LCORL: variants seen among roughly 807,000 people sequenced by gnomAD.
The protein encoded by LCORL is ligand dependent nuclear receptor corepressor like.
A neutral mutation model predicts 141.8 loss-of-function variants in LCORL; 41 were observed. The ratio of observed to expected loss-of-function variants is 0.29; its 90% CI spans 0.23 to 0.38. The LOEUF (loss-of-function observed/expected upper bound fraction) is 0.38, where lower values mean the gene tolerates loss of function less well. Among genes scored for constraint, LCORL ranks in the 10% least tolerant of loss-of-function variants. The probability of loss-of-function intolerance (pLI) is 1.00; values close to 1 mark genes in which losing one functional copy is unlikely to be tolerated. For missense variants in LCORL, 1,759 were observed against 2,035.0 expected, an observed-to-expected ratio of 0.86 and a Z score of 2.61; for synonymous variants, 618 against 694.1, an observed-to-expected ratio of 0.89 and a Z score of 1.72.
At position 18,009,943 on chromosome 4, in the gene LCORL, C is replaced by T. The variant is rs76249161; in HGVS notation, c.154+11655G>A. On this transcript the variant is annotated intron_variant, in intron 1 of 7. Transcript: ENST00000635767. ...GCACCCCACCCAGTGTGGATACCTACCCTTGTTTTCTCCCACTTGATGTTT... is the reference window on the plus strand; with the variant it reads ...GCACCCCACCCAGTGTGGATACCTATCCTTGTTTTCTCCCACTTGATGTTT... Among the ~76,000 whole-genome samples the T allele has an allele frequency of 5.6e-3, 851 of 152,238 alleles. 5 individuals are homozygous for T. Among genetic ancestry groups the T allele is most frequent in the African/African-American group, 0.02 (817 of 41,534 alleles).
chr4:17,943,040 C>CT (rs938328154), intron 4 of LCORL, among the ~76,000 whole-genome samples: 3 of 152,186 alleles, frequency 2.0e-5, no homozygotes, highest in African/African-American at 7.2e-5. Context: ...AACCATCTCC[C>CT]TGCAACACCT....
chr4:17,974,137 G>A (rs1210603880), intron 1 of LCORL, among the ~76,000 whole-genome samples: 2 of 152,036 alleles, frequency 1.3e-5, no homozygotes, highest in African/African-American at 4.8e-5. Context: ...TAGAGTAGAA[G>A]ATACTCTATT....
At chr4:17,909,473 T>C in intron 4 of LCORL, 128 bp from the exon 5 acceptor site, 1 of 544,798 alleles carries the variant, frequency 1.8e-6, no homozygotes, top group Non-Finnish European at 3.0e-6. Flanking sequence ...CTCCCAATGT[T>C]TTCTGGGAAT....
exon 7 of LCORL, chr4:17,873,645 G>A (rs952215345): frequency 1.6e-6 from 2 of 1,233,910 alleles, no homozygotes; most frequent in Non-Finnish European, 2.0e-6. Flanking sequence ...CTTTTTAAAA[G>A]AATTTTGCCT....
Position 17,904,138 on chromosome 4 carries a change from T to C in LCORL, c.682+4956A>G, listed in dbSNP as rs542547952. ...TCAAAGATTTTTGGTAAATACTTAT[T>C]CACTCAGAGGCTGAATTACCATCTC... On this transcript the variant is annotated intron_variant, in intron 5 of 7. Transcript: ENST00000635767. Among the ~76,000 whole-genome samples the C allele has an allele frequency of 2.0e-5, 3 of 152,170 alleles. No homozygotes were observed. The South Asian group carries it at 6.2e-4, about 32-fold the overall frequency.
chr4:17,937,915 G>T (rs1737130155), intron 4 of LCORL, among the ~76,000 whole-genome samples: 1 of 151,044 alleles, frequency 6.6e-6, no homozygotes, highest in South Asian at 2.1e-4. Flanking sequence ...AACATATTTA[G>T]AATTTTAATA....
At chr4:18,011,597 C>T (rs1017313139) in intron 1 of LCORL, among the ~76,000 whole-genome samples, 3 of 152,156 alleles carry the variant, frequency 2.0e-5, no homozygotes, top group African/African-American at 7.2e-5. Flanking sequence ...TTTGCTTATA[C>T]TATCTCTGCC....
At chr4:17,960,139 T>C (rs1713487959) in intron 4 of LCORL, 1 of 154,072 alleles carries the variant, frequency 6.5e-6, no homozygotes, top group Admixed American at 6.6e-5. Flanking sequence ...ATAAAGAAAT[T>C]AACAAAGGCC....
chr4:18,018,156 T>C (rs1724905177), intron 1 of LCORL, among the ~76,000 whole-genome samples: 1 of 152,124 alleles, frequency 6.6e-6, no homozygotes, highest in South Asian at 2.1e-4. Flanking sequence ...TGTTTAAAAA[T>C]ATACAGGTGT....
chr4:17,932,931 C>T (rs1053399289), intron 4 of LCORL, among the ~76,000 whole-genome samples: 1 of 152,196 alleles, frequency 6.6e-6, no homozygotes, highest in African/African-American at 2.4e-5. Flanking sequence ...TTTTGACCAT[C>T]TTCATACATG....
chr4:17,882,276 G>A, intron 6 of LCORL: 1 of 984,536 alleles, frequency 1.0e-6, no homozygotes, highest in South Asian at 4.7e-5. Flanking sequence ...TAGGAAAACT[G>A]GCTTAGAAAA....
At chr4:17,883,512 C>A (rs1727856406) in intron 6 of LCORL, 2 of 1,301,118 alleles carry the variant, frequency 1.5e-6, no homozygotes, top group South Asian at 5.8e-5. Context: ...CTATATAATT[C>A]TGTCCACAGT....
chr4:17,912,036 G>C, intron 4 of LCORL: 1 of 664,008 alleles, frequency 1.5e-6, no homozygotes, highest in Non-Finnish European at 2.8e-6. Context: ...CCAAAATCTG[G>C]GGGCACCTGG....
rs1726960285 is a variant in LCORL at position 17,876,698 on chromosome 4, A to G, written c.2292T>C (p.Asp764=). The stretch of plus-strand genomic sequence containing the variant: ...TAGTTCTGCTCAAAAGTCCAGAAAC[A>G]TCATTTCTCAAAAGAGTTTGAGTAT... Residue 764 remains aspartate, a synonymous_variant, in exon 7 of 8, where the codon GAT becomes GAC. Transcript: ENST00000635767. 7 of 1,230,892 alleles carry G rather than the reference A, an allele frequency of 5.7e-6. No individual in the cohort carries two copies. In the South Asian group the frequency reaches 2.1e-4, roughly 36 times the overall value. 76.2% of individuals were successfully genotyped at this position (1,230,892 alleles called of 1,614,324 possible). A position where few individuals can be genotyped will look rare whatever the true frequency, so the allele number is the denominator to read the frequency against.
At chr4:17,996,242 G>A (rs916034635) in intron 1 of LCORL, among the ~76,000 whole-genome samples, 1 of 151,938 alleles carries the variant, frequency 6.6e-6, no homozygotes, top group Non-Finnish European at 1.5e-5. Flanking sequence ...TTATAAAGTT[G>A]TAATACTAGA....
intron 4 of LCORL, among the ~76,000 whole-genome samples, chr4:17,933,608 CTTCTT>C (rs1404921207): frequency 6.6e-6 from 1 of 151,954 alleles, no homozygotes; most frequent in African/African-American, 2.4e-5. Context: ...TCTGCCAATG[CTTCTT>C]TTAACAATAT....
chr4:17,884,108 C>A lies in LCORL; in HGVS notation c.776+1960G>T. 1 of 1,550,734 alleles carries A rather than the reference C, an allele frequency of 6.4e-7. No homozygotes were observed. Among genetic ancestry groups the A allele is most frequent in the Middle Eastern group, 1.7e-4 (1 of 5,988 alleles). On this transcript the variant is annotated intron_variant, in intron 6 of 7. Transcript: ENST00000635767. The surrounding 1 kb of genome is among the most constrained non-coding windows in gnomAD (Gnocchi z 4.4). ...CCCATGTAGAAAGTAAGAGTCAACA[C>A]TTGAGTGAGTTACAGGCCCAGAACA...
At chr4:17,842,002 A>G (rs1722458014) in exon 8 of LCORL, 2 of 247,320 alleles carry the variant, frequency 8.1e-6, no homozygotes, top group African/African-American at 4.6e-5. Flanking sequence ...CTTCATTATA[A>G]CACATTTTTC....
At chr4:17,978,865 G>A (rs1053447080) in intron 1 of LCORL, among the ~76,000 whole-genome samples, 1 of 152,018 alleles carries the variant, frequency 6.6e-6, no homozygotes, top group South Asian at 2.1e-4. Flanking sequence ...CATAAATTCC[G>A]GCCACTCACA....
Sources: allele counts gnomAD v4.1 joint callset (sites outside exome capture counted in the v4.1 genomes callset), GRCh38; gene constraint gnomAD v4.1.1; non-coding constraint Gnocchi (gnomAD v3.1); transcripts MANE v1.5; gene names NCBI Gene and HGNC (gene_info 2026-07-23, HGNC 2026-07-21).